HERC2: variants seen among roughly 807,000 people sequenced by gnomAD.
HERC2 encodes HECT and RLD domain containing E3 ubiquitin protein ligase 2.
In HERC2, 102 loss-of-function variants were observed where a neutral mutation model predicts 537.7. That is an observed-to-expected ratio of 0.19 (90% CI 0.16 to 0.22). HERC2 has a LOEUF of 0.22. Ranked by LOEUF, HERC2 falls within the 10% of genes least tolerant of loss-of-function variation. The pLI is 1.00. For missense variants in HERC2, 4,236 were observed against 6,198.2 expected, an observed-to-expected ratio of 0.68 and a Z score of 10.63; for synonymous variants, 2,224 against 2,466.2, an observed-to-expected ratio of 0.90 and a Z score of 2.91.
intron 65 of HERC2, among the ~76,000 whole-genome samples, chr15:28,171,636 T>G (rs1198585310): frequency 6.6e-6 from 1 of 151,988 alleles, no homozygotes; most frequent in African/African-American, 2.4e-5. Context: ...GAAGCTCACT[T>G]TTTTTAAAAA....
chr15:28,116,777 G>A lies in HERC2; in HGVS notation c.13497C>T (p.Pro4499=), dbSNP rs772882556. 11 of 1,613,974 alleles carry A rather than the reference G, an allele frequency of 6.8e-6. No individual in the cohort carries two copies. Among genetic ancestry groups the A allele is most frequent in the Admixed American group, 5.0e-5 (3 of 60,010 alleles). ...TCCCGTTGGGTGTCACGATCAGCAG[G>A]GGCGTGAGTCCGTTCTGCAGCTCCT... ...ICEELQNGLT[P]LLIVTPNGRD... Residue 4499 remains proline (P), a synonymous_variant, in exon 88 of 93, where the codon CCC becomes CCT. Coordinates refer to ENST00000261609, the MANE Select transcript of HERC2 (RefSeq NM_004667.6).
At chr15:28,190,701 C>T in intron 55 of HERC2, 1 of 509,682 alleles carries the variant, frequency 2.0e-6, no homozygotes, top group Non-Finnish European at 3.5e-6. Context: ...CTGATGAAAA[C>T]TTTTGCTAGG....
In HERC2 at chr15:28,233,041, C is replaced by T. The variant is rs144752287; in HGVS notation, c.4675+105G>A. The T allele has an allele frequency of 1.3e-3, 999 of 795,888 alleles. 8 individuals carry two copies. In the African/African-American group the frequency reaches 0.015, roughly 12 times the overall value. 49.3% of individuals were successfully genotyped at this position (795,888 alleles called of 1,614,324 possible). ...AAATGATGGCAGCAGGTAGAAATGT[C>T]ACATGGAATCAACAGTAGAGAAACT... On this transcript the variant is annotated intron_variant, in intron 30 of 92. Transcript: ENST00000261609.
At chr15:28,311,076 CAAAAAA>C (rs71132854) in intron 2 of HERC2, among the ~76,000 whole-genome samples, 33 of 29,256 alleles carry the variant, frequency 1.1e-3, no homozygotes, top group African/African-American at 4.5e-3. Flanking sequence ...GACTGCATCT[CAAAAAA>C]AAAAAAAAAA....
At chr15:28,126,275 C>A (rs967071142) in intron 83 of HERC2, among the ~76,000 whole-genome samples, 1 of 152,180 alleles carries the variant, frequency 6.6e-6, no homozygotes, top group Non-Finnish European at 1.5e-5. Flanking sequence ...TCTGTGAAAA[C>A]GCGTTGTGAT....
chr15:28,225,478 G>A (rs767526739), intron 35 of HERC2, among the ~76,000 whole-genome samples: 30 of 151,820 alleles, frequency 2.0e-4, no homozygotes, highest in South Asian at 8.3e-4. Flanking sequence ...TGGGCGGATC[G>A]CGAGGTCAAG....
At chr15:28,183,317 C>A (rs1357573618) in intron 56 of HERC2, among the ~76,000 whole-genome samples, 1 of 152,218 alleles carries the variant, frequency 6.6e-6, no homozygotes. Flanking sequence ...TCAAGCAATC[C>A]TTCCACCTCA....
At position 28,262,954 on chromosome 15, in the gene HERC2, G is replaced by A; in HGVS notation, c.2086C>T (p.His696Tyr). 1 of 1,614,134 alleles carries A rather than the reference G, an allele frequency of 6.2e-7. No homozygotes were observed. Among genetic ancestry groups the A allele is most frequent in the Non-Finnish European group, 8.5e-7 (1 of 1,179,984 alleles). ...NQRLGHGTEE[H>Y]VRYPKLLEGL... Reference sequence around the variant, plus strand: ...TCTAAGAGTTTTGGATAACGAACATGTTCCTCTGTTCCATGTCCAAGTCTC... The same window carrying A: ...TCTAAGAGTTTTGGATAACGAACATATTCCTCTGTTCCATGTCCAAGTCTC... Residue 696 changes from histidine to tyrosine, a missense_variant, in exon 15 of 93, where the codon CAT becomes TAT. This residue lies in a region of HERC2 where 754 missense variants were observed against 1,085.0 expected (regional missense o/e 0.69). Coordinates refer to ENST00000261609, the MANE Select transcript of HERC2 (RefSeq NM_004667.6).
intron 26 of HERC2, among the ~76,000 whole-genome samples, chr15:28,236,050 G>A (rs3862443): frequency 0.22 from 34,016 of 151,970 alleles, 7,687 homozygotes; most frequent in African/African-American, 0.57. Context: ...GAGGACAGCT[G>A]ATCCACATTC....
intron 55 of HERC2, among the ~76,000 whole-genome samples, chr15:28,187,896 T>G (rs1417046699): frequency 1.3e-5 from 2 of 152,212 alleles, no homozygotes; most frequent in Non-Finnish European, 2.9e-5. Flanking sequence ...GCTGTGGTAC[T>G]GACAACATTC....
rs1901616782 is a variant in HERC2 at position 28,229,603 on chromosome 15, A to C, written c.4984-7T>G. 1 of 1,608,224 alleles carries C rather than the reference A, an allele frequency of 6.2e-7. No individual in the cohort carries two copies. The highest frequency in any genetic ancestry group is 1.3e-5 in the African/African-American group (1 of 74,904). On this transcript the variant is annotated splice_polypyrimidine_tract_variant and splice_region_variant and intron_variant, in intron 32 of 92. Coordinates refer to ENST00000261609, the MANE Select transcript of HERC2 (RefSeq NM_004667.6). ...GAACCTCTGCTCTCTCCAACTGCAA[A>C]ATATCAATGCATACAGTTAAGTGTT...
chr15:28,293,227 C>G (rs1415133200), intron 3 of HERC2, among the ~76,000 whole-genome samples: 2 of 152,164 alleles, frequency 1.3e-5, no homozygotes, highest in Admixed American at 1.3e-4. Context: ...GGCGTGGTGG[C>G]TCACGCCTGT....
At chr15:28,175,719 A>C in intron 63 of HERC2, 63 bp from the exon 64 acceptor site, 1 of 1,535,248 alleles carries the variant, frequency 6.5e-7, no homozygotes, top group South Asian at 1.1e-5. Flanking sequence ...CTATACAAGA[A>C]GACACTCATT....
chr15:28,255,487 A>G (rs193271582), intron 19 of HERC2, among the ~76,000 whole-genome samples: 1 of 152,388 alleles, frequency 6.6e-6, no homozygotes, highest in Admixed American at 6.5e-5. Flanking sequence ...TCATTCTCCA[A>G]GGCAAAGCAA....
intron 53 of HERC2, 112 bp downstream of exon 53, chr15:28,191,849 T>C (rs1035809413): frequency 3.9e-6 from 3 of 776,454 alleles, no homozygotes; most frequent in African/African-American, 3.5e-5. Context: ...ACGTGAGTAC[T>C]GACAGGTGCT....
At chr15:28,184,637 G>A (rs952279824) in intron 56 of HERC2, among the ~76,000 whole-genome samples, 120 of 152,056 alleles carry the variant, frequency 7.9e-4, no homozygotes, top group Middle Eastern at 3.4e-3. Flanking sequence ...TGAGGCAGGC[G>A]GATTACGAGG....
intron 5 of HERC2, 133 bp downstream of exon 5, chr15:28,279,935 C>T: frequency 1.4e-6 from 1 of 713,480 alleles, no homozygotes; most frequent in Non-Finnish European, 2.3e-6. Context: ...ACAAAACATA[C>T]AAAAAGGGAA....
At chr15:28,149,922 C>T (rs572695677) in intron 70 of HERC2, among the ~76,000 whole-genome samples, 11 of 150,186 alleles carry the variant, frequency 7.3e-5, no homozygotes, top group African/African-American at 2.7e-4. Flanking sequence ...AGAACAGCCA[C>T]ACGAACGCAC....
rs538460931 is a variant in HERC2, at chr15:28,310,280, T to C, written c.73-10764A>G. Among the ~76,000 whole-genome samples, 6 of 152,202 alleles carry C rather than the reference T, an allele frequency of 3.9e-5. No individual in the cohort carries two copies. The East Asian group carries it at 9.6e-4, about 24-fold the overall frequency. On this transcript the variant is annotated intron_variant, in intron 2 of 92. Coordinates refer to ENST00000261609, the MANE Select transcript of HERC2 (RefSeq NM_004667.6). ...GAACAACATGGCAAAACCACATTTC[T>C]ACCAAAAATACAAAAAATTAGCCAG...
Sources: gnomAD v4.1 joint callset for allele counts (sites outside exome capture counted in the v4.1 genomes callset) on GRCh38, gnomAD v4.1.1 for gene constraint, gnomAD v4.1.1 regional missense constraint, MANE v1.5 for transcripts, NCBI Gene and HGNC (gene_info 2026-07-23, HGNC 2026-07-21) for gene names.